Variants in MEGF11 observed in about 807,000 individuals in gnomAD.
MEGF11 encodes the protein multiple EGF like domains 11, also known as multiple epidermal growth factor-like domains protein 11.
A neutral mutation model predicts 146.6 loss-of-function variants in MEGF11; 126 were observed. That is an observed-to-expected ratio of 0.86 (90% CI 0.74 to 1.00). MEGF11 has a LOEUF of 1.00. MEGF11 is among the 50% of genes least tolerant of loss of function. MEGF11 has a pLI of 0.00. For missense variants in MEGF11, 1,509 were observed against 1,521.2 expected (o/e 0.99, Z 0.13); for synonymous variants, 532 against 583.4 (o/e 0.91, Z 1.27).
chr15:66,153,025 A>ACCTCCAGCC (rs1402527851), intron 1 of MEGF11, among the ~76,000 whole-genome samples: 1 of 151,796 alleles, frequency 6.6e-6, no homozygotes, highest in East Asian at 1.9e-4. Flanking sequence ...CTGCTCCAAC[A>ACCTCCAGCC]CCTCCAGCCC....
intron 5 of MEGF11, among the ~76,000 whole-genome samples, chr15:66,075,826 G>A (rs913836111): frequency 2.6e-5 from 4 of 152,170 alleles, no homozygotes; most frequent in Admixed American, 6.5e-5. Context: ...AAATAGCTGC[G>A]TATGTATCCA....
intron 25 of MEGF11, chr15:65,898,460 C>T (rs974555715): frequency 4.4e-5 from 43 of 983,260 alleles, no homozygotes; most frequent in East Asian, 2.3e-4. Flanking sequence ...TGTGTGCGCG[C>T]GTGCACGTGC....
At chr15:65,933,677 G>A (rs968807803) in intron 10 of MEGF11, among the ~76,000 whole-genome samples, 2 of 152,180 alleles carry the variant, frequency 1.3e-5, no homozygotes, top group African/African-American at 4.8e-5. Context: ...AGGACCCCTG[G>A]TGTGTTAGTG....
At chr15:66,199,296 A>C (rs2091090212) in intron 1 of MEGF11, among the ~76,000 whole-genome samples, 1 of 152,188 alleles carries the variant, frequency 6.6e-6, no homozygotes, top group South Asian at 2.1e-4. Flanking sequence ...TGGATAATCC[A>C]AAAAATGTAG....
chr15:66,098,579 G>C (rs1363666827), intron 4 of MEGF11, among the ~76,000 whole-genome samples: 1 of 152,194 alleles, frequency 6.6e-6, no homozygotes, highest in Non-Finnish European at 1.5e-5. Context: ...AAGGGTGGTA[G>C]CCTCCCAGAA....
At chr15:65,975,773 C>T (rs941932709) in intron 7 of MEGF11, among the ~76,000 whole-genome samples, 6 of 152,310 alleles carry the variant, frequency 3.9e-5, no homozygotes, top group South Asian at 2.1e-4. Context: ...GAACCTAGTA[C>T]AGTGCCTTAA....
intron 1 of MEGF11, among the ~76,000 whole-genome samples, chr15:66,174,285 A>T (rs1168457078): frequency 6.6e-6 from 1 of 152,222 alleles, no homozygotes; most frequent in Non-Finnish European, 1.5e-5. Context: ...GGCTGCAGAG[A>T]GATGGAGGTG....
At chr15:66,176,495 T>G (rs187716511) in intron 1 of MEGF11, among the ~76,000 whole-genome samples, 3 of 152,230 alleles carry the variant, frequency 2.0e-5, no homozygotes, top group Admixed American at 2.0e-4. Flanking sequence ...TAGATCTAAA[T>G]TAATCAAAAT....
intron 10 of MEGF11, among the ~76,000 whole-genome samples, chr15:65,947,947 A>AT (rs923069593): frequency 1.3e-5 from 2 of 152,178 alleles, no homozygotes; most frequent in African/African-American, 4.8e-5. Context: ...GCAAATGTTT[A>AT]TTTTTTAGAG....
chr15:65,922,196 C>T, intron 15 of MEGF11, 142 bp downstream of exon 15: 2 of 996,034 alleles, frequency 2.0e-6, no homozygotes, highest in Non-Finnish European at 3.0e-6. Context: ...GCTCAATTCT[C>T]ATAAAGGCAG....
chr15:65,898,268 G>C, intron 25 of MEGF11, 174 bp from the exon 26 acceptor site: 1 of 985,364 alleles, frequency 1.0e-6, no homozygotes, highest in South Asian at 4.7e-5. Flanking sequence ...CTAAGTGAAT[G>C]TGCTGTCAAC....
chr15:65,909,343 T>A (rs2078724441), intron 22 of MEGF11, among the ~76,000 whole-genome samples: 1 of 151,930 alleles, frequency 6.6e-6, no homozygotes, highest in African/African-American at 2.4e-5. Flanking sequence ...GTTTCCCCTC[T>A]CCTTCCCTCC....
intron 1 of MEGF11, among the ~76,000 whole-genome samples, chr15:66,153,766 C>T (rs1318198916): frequency 6.6e-6 from 1 of 152,154 alleles, no homozygotes; most frequent in African/African-American, 2.4e-5. Context: ...GAATCAGGAA[C>T]CTGGGTCCAG....
chr15:65,937,875 T>TG (rs1417302282), intron 10 of MEGF11, among the ~76,000 whole-genome samples: 1 of 152,266 alleles, frequency 6.6e-6, no homozygotes, highest in Admixed American at 6.5e-5. Context: ...CTGTAGGTTT[T>TG]GTGAAATGTA....
chr15:65,985,064 C>T (rs753633716), intron 5 of MEGF11, among the ~76,000 whole-genome samples: 7 of 152,156 alleles, frequency 4.6e-5, no homozygotes, highest in Non-Finnish European at 8.8e-5. Context: ...CCACCACGCC[C>T]GGCCAGACAG....
chr15:66,054,259 T>C (rs2084585618), intron 5 of MEGF11, among the ~76,000 whole-genome samples: 2 of 152,156 alleles, frequency 1.3e-5, no homozygotes, highest in Admixed American at 1.3e-4. Context: ...CCCTGTACTC[T>C]AGCCAACCAT....
At chr15:65,963,292 T>G (rs1441483968) in intron 9 of MEGF11, among the ~76,000 whole-genome samples, 1 of 152,208 alleles carries the variant, frequency 6.6e-6, no homozygotes, top group Non-Finnish European at 1.5e-5. Flanking sequence ...GCTCTCACTC[T>G]GCTCTCCAAA....
At chr15:66,093,555 G>A (rs1185120411) in intron 5 of MEGF11, among the ~76,000 whole-genome samples, 1 of 152,200 alleles carries the variant, frequency 6.6e-6, no homozygotes, top group Non-Finnish European at 1.5e-5. Context: ...AAAGCAGGAG[G>A]AAATTTGGGC....
chr15:66,119,167 A>G lies in MEGF11; in HGVS notation c.220T>C (p.Tyr74His), dbSNP rs1172618877. Residue 74 changes from tyrosine to histidine, a missense_variant, in exon 4 of 26, where the codon TAT becomes CAT. Transcript: ENST00000395614. ...TRHRISYKTAYRRGLRTMYRR... is the reference protein window; with the variant it reads ...TRHRISYKTAHRRGLRTMYRR... ...TACATGGTCCGGAGGCCTCTCCGAT[A>G]CGCCGTCTTATAACTGATCCTAAGG... 1 of 1,551,414 alleles carries G rather than the reference A, an allele frequency of 6.4e-7. No homozygotes were observed. The highest frequency in any genetic ancestry group is 2.0e-5 in the Admixed American group (1 of 51,004).
Sources: gnomAD v4.1 joint callset for allele counts (sites outside exome capture counted in the v4.1 genomes callset) on GRCh38, gnomAD v4.1.1 for gene constraint, MANE v1.5 for transcripts, NCBI Gene and HGNC (gene_info 2026-07-23, HGNC 2026-07-21) for gene names.